SLCO1B3: variants seen among roughly 807,000 people sequenced by gnomAD.
The protein encoded by SLCO1B3 is solute carrier organic anion transporter family member 1B3, also known as liver-specific organic anion transporter 2.
A neutral mutation model predicts 71.8 loss-of-function variants in SLCO1B3; 72 were observed. That is an observed-to-expected ratio of 1.00 (90% CI 0.83 to 1.22). The LOEUF is 1.22. Among genes scored for constraint, SLCO1B3 ranks in the 50% most tolerant of loss-of-function variants. The probability of loss-of-function intolerance (pLI) is 0.00; values close to 1 mark genes in which losing one functional copy is unlikely to be tolerated. For missense variants in SLCO1B3, 911 were observed against 819.7 expected (o/e 1.11, Z -1.36); for synonymous variants, 298 against 278.4 (o/e 1.07, Z -0.70).
At chr12:20,856,635 C>T (rs1290836080) in intron 4 of SLCO1B3, among the ~76,000 whole-genome samples, 1 of 152,202 alleles carries the variant, frequency 6.6e-6, no homozygotes, top group African/African-American at 2.4e-5. Flanking sequence ...TGTCATCTCA[C>T]AGCAACCTCC....
rs1330167979 is a variant in SLCO1B3, at chr12:20,916,602, A to C, written c.*355A>C. On this transcript the variant is annotated 3_prime_UTR_variant, in exon 16 of 16. Transcript: ENST00000381545. ...GAAAAGCCTGATGCCTTTAAAAAAA[A>C]TGAAACACTTTGGATGTATTACTTA... The C allele has an allele frequency of 6.4e-6, 1 of 157,408 alleles. No individual in the cohort carries two copies. The highest frequency in any genetic ancestry group is 2.4e-5 in the African/African-American group (1 of 41,512). The allele number at this position is 157,408 out of a possible 1,614,324, so 9.8% of individuals were successfully genotyped here.
rs183674071 is a variant in SLCO1B3, at chr12:20,867,004, G to A, written c.727+4150G>A. ...CAGTTTCCTTCCATGCTTTGTTCCTGAAGACAGGAAGTACCTTGGCAGGAA... is the reference window on the plus strand; with the variant it reads ...CAGTTTCCTTCCATGCTTTGTTCCTAAAGACAGGAAGTACCTTGGCAGGAA... On this transcript the variant is annotated intron_variant, in intron 8 of 15. Transcript: ENST00000381545. Among the ~76,000 whole-genome samples, 694 of 152,208 alleles carry A rather than the reference G, an allele frequency of 4.6e-3. 4 individuals carry two copies. The highest frequency in any genetic ancestry group is 0.015 in the African/African-American group (626 of 41,534).
intron 1 of SLCO1B3, among the ~76,000 whole-genome samples, chr12:20,811,121 A>ATTGAATTACTATACCAG (rs1484970689): frequency 2.6e-5 from 4 of 152,202 alleles, no homozygotes; most frequent in African/African-American, 9.6e-5. Context: ...TATAAACTGT[A>ATTGAATTACTATACCAG]TTGAATTACT....
At chr12:20,891,503 C>T (rs1865903023) in intron 13 of SLCO1B3, among the ~76,000 whole-genome samples, 1 of 151,992 alleles carries the variant, frequency 6.6e-6, no homozygotes, top group Non-Finnish European at 1.5e-5. Flanking sequence ...ATGTCTTGTG[C>T]TGGTTATTCT....
chr12:20,891,313 ATT>A (rs35786308), intron 13 of SLCO1B3, among the ~76,000 whole-genome samples: 7 of 145,422 alleles, frequency 4.8e-5, no homozygotes, highest in African/African-American at 1.0e-4. Flanking sequence ...CTTGGCTGGC[ATT>A]TTTTTTTTTC....
chr12:20,871,387 T>C (rs1865472465), intron 8 of SLCO1B3, among the ~76,000 whole-genome samples: 1 of 152,186 alleles, frequency 6.6e-6, no homozygotes, highest in African/African-American at 2.4e-5. Context: ...TACATATGTC[T>C]GTTTCACCAG....
intron 15 of SLCO1B3, among the ~76,000 whole-genome samples, chr12:20,913,411 A>G (rs1866425739): frequency 6.6e-6 from 1 of 152,140 alleles, no homozygotes; most frequent in Non-Finnish European, 1.5e-5. Context: ...GACTTACTGC[A>G]TTTCTCTTTG....
intron 15 of SLCO1B3, chr12:20,901,768 T>A (rs1255064854): frequency 3.1e-6 from 1 of 319,850 alleles, no homozygotes; most frequent in South Asian, 2.5e-5. Flanking sequence ...TGTACTTGAA[T>A]CTCTTTTGAT....
chr12:20,832,993 C>T (rs963807181), intron 3 of SLCO1B3, among the ~76,000 whole-genome samples: 7 of 152,156 alleles, frequency 4.6e-5, no homozygotes, highest in African/African-American at 7.2e-5. Context: ...AAATAAGTGT[C>T]AGTGAACTAA....
intron 4 of SLCO1B3, among the ~76,000 whole-genome samples, chr12:20,857,919 G>A (rs554189356): frequency 1.3e-5 from 2 of 152,038 alleles, no homozygotes; most frequent in South Asian, 4.2e-4. Context: ...CTTTCACAAA[G>A]CCCCTAATTA....
intron 15 of SLCO1B3, among the ~76,000 whole-genome samples, chr12:20,909,895 A>C (rs1380430292): frequency 2.0e-5 from 3 of 152,148 alleles, no homozygotes; most frequent in African/African-American, 7.2e-5. Flanking sequence ...GAATTATATA[A>C]ATGATTTGTG....
Position 20,879,517 on chromosome 12 carries a change from GA to G in SLCO1B3, c.1219del (p.Ile407LeufsTer10), listed in dbSNP as rs760695555. 3 of 1,611,196 alleles carry G rather than the reference GA, an allele frequency of 1.9e-6. No individual in the cohort carries two copies. The highest frequency in any genetic ancestry group is 2.2e-5 in the South Asian group (2 of 90,996). ...AAAAAATTCAAATTGTCTTTAGTTG[GA>G]ATTGCCAAATTTTCATTTCTTACTT... ...IIKKFKLSLV[G>X]IAKFSFLTSM... On this transcript the variant is annotated frameshift_variant, in exon 11 of 16. Coordinates refer to ENST00000381545, the MANE Select transcript of SLCO1B3 (RefSeq NM_019844.4). LOFTEE classifies it high-confidence loss of function.
intron 13 of SLCO1B3, among the ~76,000 whole-genome samples, chr12:20,890,909 G>A (rs2121338596): frequency 6.6e-6 from 1 of 152,178 alleles, no homozygotes; most frequent in South Asian, 2.1e-4. Flanking sequence ...GTCTTTACCA[G>A]TTACTTGAGT....
At position 20,906,113 on chromosome 12, in the gene SLCO1B3, T is replaced by G. The variant is rs537155857; in HGVS notation, c.1865+4646T>G. Among the ~76,000 whole-genome samples the G allele has an allele frequency of 4.6e-5, 7 of 152,202 alleles. No homozygotes were observed. The East Asian group carries it at 1.2e-3, about 25-fold the overall frequency. On this transcript the variant is annotated intron_variant, in intron 15 of 15. Coordinates refer to ENST00000381545, the MANE Select transcript of SLCO1B3 (RefSeq NM_019844.4). ...CAATCACCTCCCACCAGGCCCCTTC[T>G]CCAATATAACATGGGATTTGGGCAG...
At chr12:20,891,465 TGTTGACTTTG>T (rs1865902492) in intron 13 of SLCO1B3, among the ~76,000 whole-genome samples, 1 of 152,130 alleles carries the variant, frequency 6.6e-6, no homozygotes, top group Admixed American at 6.5e-5. Flanking sequence ...TTTAAATTTT[TGTTGACTTTG>T]AGTAGTCTGA....
At chr12:20,820,829 T>G (rs537047701) in intron 3 of SLCO1B3, among the ~76,000 whole-genome samples, 1 of 152,258 alleles carries the variant, frequency 6.6e-6, no homozygotes, top group East Asian at 1.9e-4. Context: ...AAAAAGAGCC[T>G]AAACGCTTCT....
intron 3 of SLCO1B3, among the ~76,000 whole-genome samples, chr12:20,832,894 T>A (rs1864573281): frequency 6.6e-6 from 1 of 152,162 alleles, no homozygotes; most frequent in Non-Finnish European, 1.5e-5. Context: ...AAAACGCACC[T>A]GTGTAGAAGT....
In SLCO1B3 at chr12:20,822,486, G is replaced by T. The variant is rs550162355; in HGVS notation, c.84+6664G>T. 2.0e-5 allele frequency among the ~76,000 whole-genome samples: 3 copies of T among 152,226 alleles called. No individual in the cohort carries two copies. In the East Asian group the frequency reaches 5.8e-4, roughly 30 times the overall value. On this transcript the variant is annotated intron_variant, in intron 3 of 15. Transcript: ENST00000381545. ...GGGGCAGGAACAAATCACAATGGTG[G>T]AATGTCATCAGTTAAGGCGGGGCAG...
chr12:20,817,289 C>T (rs1406217525), intron 3 of SLCO1B3, among the ~76,000 whole-genome samples: 3 of 152,138 alleles, frequency 2.0e-5, no homozygotes, highest in Non-Finnish European at 2.9e-5. Flanking sequence ...CCCAGATGAA[C>T]GTCCTGGAGA....
Sources: allele counts gnomAD v4.1 joint callset (sites outside exome capture counted in the v4.1 genomes callset), GRCh38; gene constraint gnomAD v4.1.1; transcripts MANE v1.5; gene names NCBI Gene and HGNC (gene_info 2026-07-23, HGNC 2026-07-21).